CFAP44: variants seen among roughly 807,000 people sequenced by gnomAD.
CFAP44 encodes cilia- and flagella-associated protein 44.
CFAP44 carries 134 observed loss-of-function variants against 216.2 expected under a neutral mutation model. The ratio of observed to expected loss-of-function variants is 0.62; its 90% CI spans 0.54 to 0.72. The LOEUF is 0.72. CFAP44 is among the 30% of genes least tolerant of loss of function. The pLI is 0.00. For synonymous variants in CFAP44, 700 were observed against 727.6 expected, an observed-to-expected ratio of 0.96 and a Z score of 0.61; for missense variants, 2,035 against 2,182.1, an observed-to-expected ratio of 0.93 and a Z score of 1.34.
chr3:113,421,550 A>G (rs1934815259), intron 4 of CFAP44, among the ~76,000 whole-genome samples: 1 of 152,248 alleles, frequency 6.6e-6, no homozygotes, highest in Admixed American at 6.5e-5. Flanking sequence ...TGTTTATCAC[A>G]GCACTATTTA....
At chr3:113,354,340 T>A (rs908302390) in intron 22 of CFAP44, among the ~76,000 whole-genome samples, 2 of 152,168 alleles carry the variant, frequency 1.3e-5, no homozygotes, top group Non-Finnish European at 2.9e-5. Context: ...TTCCCTGAGA[T>A]GCCAAAAAAC....
At chr3:113,342,821 C>T (rs866507171) in intron 23 of CFAP44, among the ~76,000 whole-genome samples, 1 of 149,856 alleles carries the variant, frequency 6.7e-6, no homozygotes, top group Non-Finnish European at 1.5e-5. Flanking sequence ...AAACCCCCGT[C>T]TCTGCTAAAA....
At chr3:113,347,165 T>C (rs757686266) in intron 22 of CFAP44, among the ~76,000 whole-genome samples, 8 of 152,172 alleles carry the variant, frequency 5.3e-5, no homozygotes, top group Non-Finnish European at 8.8e-5. Flanking sequence ...GCCGCCGGAC[T>C]AAAGACATGG....
intron 14 of CFAP44, among the ~76,000 whole-genome samples, 198 bp downstream of exon 14, chr3:113,396,320 C>T (rs1210498427): frequency 6.6e-6 from 1 of 152,178 alleles, no homozygotes; most frequent in Non-Finnish European, 1.5e-5. Flanking sequence ...GTGTTATTCA[C>T]ATGCTCCAGC....
At chr3:113,360,341 A>G in intron 21 of CFAP44, 1 of 219,438 alleles carries the variant, frequency 4.6e-6, no homozygotes, top group Non-Finnish European at 1.0e-5. Context: ...CCTATGGCTC[A>G]AAGAAAGATG....
At chr3:113,307,614 G>A (rs1297826660) in intron 29 of CFAP44, among the ~76,000 whole-genome samples, 1 of 152,182 alleles carries the variant, frequency 6.6e-6, no homozygotes, top group Non-Finnish European at 1.5e-5. Context: ...ATACTTTGAT[G>A]TATCCTTAGC....
chr3:113,401,815 G>A, intron 9 of CFAP44, 76 bp from the exon 10 acceptor site: 1 of 1,431,350 alleles, frequency 7.0e-7, no homozygotes, highest in Non-Finnish European at 9.3e-7. Context: ...GAAAAACCCT[G>A]ATTTTTTTTT....
At chr3:113,404,795 G>C (rs953899480) in intron 8 of CFAP44, among the ~76,000 whole-genome samples, 4 of 152,146 alleles carry the variant, frequency 2.6e-5, no homozygotes, top group Non-Finnish European at 2.9e-5. Context: ...TTACAGAGGA[G>C]AACATTGAAG....
chr3:113,296,668 G>C (rs533743755), intron 33 of CFAP44, 57 bp downstream of exon 33: 1 of 1,516,538 alleles, frequency 6.6e-7, no homozygotes, highest in Non-Finnish European at 8.8e-7. Flanking sequence ...CCTGCTCCCT[G>C]GGATTTCTTG....
intron 22 of CFAP44, 66 bp from the exon 23 acceptor site, chr3:113,344,778 A>G: frequency 7.4e-7 from 1 of 1,349,262 alleles, no homozygotes; most frequent in Non-Finnish European, 9.8e-7. Context: ...TTACTAAGTA[A>G]TAAAATAAAA....
rs60866565 is a variant in CFAP44 at position 113,302,457 on chromosome 3, T to TAAA, written c.5077+1456_5077+1458dup. 1.4e-3 allele frequency among the ~76,000 whole-genome samples: 103 copies of TAAA among 75,768 alleles called. 1 individual carries two copies. Among genetic ancestry groups the TAAA allele is most frequent in the African/African-American group, 2.5e-3 (58 of 23,216 alleles). 49.7% of individuals were successfully genotyped at this position (75,768 alleles called of 152,430 possible). On this transcript the variant is annotated intron_variant, in intron 32 of 34. Transcript: ENST00000393845. ...GTATCCAAAGATACACTAGACAAAG[T>TAAA]AAAAAAAAAAAAAAAAAAAAAAAGA...
intron 23 of CFAP44, among the ~76,000 whole-genome samples, chr3:113,342,937 T>C (rs531437643): frequency 1.3e-5 from 2 of 150,816 alleles, no homozygotes; most frequent in African/African-American, 2.4e-5. Flanking sequence ...TGAGCCTAGA[T>C]TGGACCACTT....
intron 4 of CFAP44, among the ~76,000 whole-genome samples, chr3:113,424,684 G>A (rs28710051): frequency 0.18 from 27,584 of 152,030 alleles, 2,677 homozygotes; most frequent in African/African-American, 0.25. Flanking sequence ...CTAGTGAGCC[G>A]TCCAAAAGTG....
intron 28 of CFAP44, 49 bp from the exon 29 acceptor site, chr3:113,308,317 T>C: frequency 7.4e-7 from 1 of 1,353,874 alleles, no homozygotes; most frequent in Non-Finnish European, 9.9e-7. Context: ...TATATTAAAC[T>C]AAATACTAGA....
At chr3:113,315,841 AAC>A (rs572309543) in intron 28 of CFAP44, among the ~76,000 whole-genome samples, 115 of 152,364 alleles carry the variant, frequency 7.5e-4, no homozygotes, top group African/African-American at 2.7e-3. Context: ...ACTCCAGGCT[AAC>A]ATAAGTGTTC....
chr3:113,411,503 A>T (rs1457280660), intron 6 of CFAP44, among the ~76,000 whole-genome samples: 2 of 152,128 alleles, frequency 1.3e-5, no homozygotes, highest in African/African-American at 4.8e-5. Flanking sequence ...CCATTGGTCT[A>T]TATATCTGTT....
intron 28 of CFAP44, among the ~76,000 whole-genome samples, chr3:113,323,633 C>T (rs1184846327): frequency 6.6e-6 from 1 of 152,126 alleles, no homozygotes; most frequent in African/African-American, 2.4e-5. Flanking sequence ...GGTGATATTA[C>T]TACAGACCCT....
At chr3:113,345,763 A>C (rs1199821423) in intron 22 of CFAP44, among the ~76,000 whole-genome samples, 1 of 150,622 alleles carries the variant, frequency 6.6e-6, no homozygotes, top group Non-Finnish European at 1.5e-5. Context: ...TCACACACAC[A>C]CAAACAAGCA....
intron 21 of CFAP44, chr3:113,360,625 G>A (rs959574454): frequency 1.3e-5 from 2 of 155,814 alleles, no homozygotes; most frequent in Non-Finnish European, 2.9e-5. Context: ...CAAGTCTATG[G>A]AAAGAAGATG....
Sources: gnomAD v4.1 joint callset for allele counts (sites outside exome capture counted in the v4.1 genomes callset) on GRCh38, gnomAD v4.1.1 for gene constraint, MANE v1.5 for transcripts, NCBI Gene and HGNC (gene_info 2026-07-23, HGNC 2026-07-21) for gene names.